Variants in CFAP74 observed in about 807,000 individuals in gnomAD.
The protein encoded by CFAP74 is cilia and flagella associated protein 74, also known as cilia- and flagella-associated protein 74.
CFAP74 carries 124 observed loss-of-function variants against 188.9 expected under a neutral mutation model. That is an observed-to-expected ratio of 0.66 (90% CI 0.57 to 0.76). The LOEUF is 0.76. Among genes scored for constraint, CFAP74 ranks in the 30% least tolerant of loss-of-function variants. The probability of loss-of-function intolerance (pLI) is 0.00; values close to 1 mark genes in which losing one functional copy is unlikely to be tolerated. For missense variants in CFAP74, 2,198 were observed against 2,165.2 expected (o/e 1.02, Z -0.30); for synonymous variants, 956 against 916.7 (o/e 1.04, Z -0.77).
rs1276060987 is a variant in CFAP74, at chr1:1,932,075, AAAAAC to A, written c.3012-1744_3012-1740del. Among the ~76,000 whole-genome samples the A allele has an allele frequency of 8.5e-5, 5 of 58,894 alleles. No homozygotes were observed. In the Admixed American group the frequency reaches 1.2e-3, roughly 15 times the overall value. 38.6% of individuals were successfully genotyped at this position (58,894 alleles called of 152,430 possible). ...AGTGAGACTCTCGCCTCAAAAAAAA[AAAAAC>A]AAAAAACAAAAAACAAAAAACTTAG... On this transcript the variant is annotated intron_variant, in intron 25 of 38. Coordinates refer to ENST00000682832, the MANE Select transcript of CFAP74 (RefSeq NM_001304360.2).
At chr1:1,964,789 C>CA in intron 13 of CFAP74, 99 bp downstream of exon 13, 98 of 1,352,498 alleles carry the variant, frequency 7.2e-5, no homozygotes, top group Non-Finnish European at 7.9e-5. Flanking sequence ...GACTCCATCT[C>CA]AAAAAAAAGC....
At chr1:1,927,219 G>A (rs1253312383) in intron 28 of CFAP74, 191 bp from the exon 29 acceptor site, 1 of 657,238 alleles carries the variant, frequency 1.5e-6, no homozygotes, top group Non-Finnish European at 2.6e-6. Flanking sequence ...CTCACTTCAG[G>A]TCCTCGTCAG....
chr1:1,962,250 C>T (rs1469716975), intron 14 of CFAP74, among the ~76,000 whole-genome samples: 3 of 151,818 alleles, frequency 2.0e-5, no homozygotes, highest in Non-Finnish European at 4.4e-5. Flanking sequence ...AGGTGGGCCT[C>T]GGATCACCTG....
intron 23 of CFAP74, 129 bp from the exon 24 acceptor site, chr1:1,939,896 C>A: frequency 1.1e-6 from 1 of 918,406 alleles, no homozygotes. Context: ...CACGACGAGG[C>A]CGTCTCTTCA....
chr1:1,944,313 G>A lies in CFAP74; in HGVS notation c.2486+18C>T, dbSNP rs1406220330. On this transcript the variant is annotated intron_variant, in intron 21 of 38. Coordinates refer to ENST00000682832, the MANE Select transcript of CFAP74 (RefSeq NM_001304360.2). ...TGTGCGTGGGTCACCCCGTGTGCAT[G>A]GACAGGAGGGGGCTCACCGCGTGTG... is the stretch of plus-strand genomic sequence containing the variant. The A allele has an allele frequency of 6.5e-7, 1 of 1,533,692 alleles. No homozygotes were observed. The highest frequency in any genetic ancestry group is 2.0e-5 in the Admixed American group (1 of 50,976).
intron 9 of CFAP74, among the ~76,000 whole-genome samples, chr1:1,971,340 C>T (rs1383842160): frequency 6.6e-6 from 1 of 151,368 alleles, no homozygotes; most frequent in Non-Finnish European, 1.5e-5. Context: ...CCTGCACACA[C>T]GTGCACACAC....
intron 4 of CFAP74, among the ~76,000 whole-genome samples, chr1:1,987,326 A>G (rs74046276): frequency 0.027 from 4,119 of 151,938 alleles, 208 homozygotes; most frequent in African/African-American, 0.094. Context: ...AAACAAGCGC[A>G]CTCCTGCGTG....
In CFAP74 at chr1:1,975,948, C is replaced by T. The variant is rs558763922; in HGVS notation, c.501-1750G>A. On this transcript the variant is annotated intron_variant, in intron 6 of 38. Coordinates refer to ENST00000682832, the MANE Select transcript of CFAP74 (RefSeq NM_001304360.2). This position sits in a 1 kb window ranked among gnomAD's most constrained non-coding sequence, Gnocchi z 4.5. ...GCTGCTGTAGGAAAACACCCACGAC[C>T]GGGTCTTCGCAAACAACAGAATTTC... Among the ~76,000 whole-genome samples, 13 of 152,276 alleles carry T rather than the reference C, an allele frequency of 8.5e-5. No individual in the cohort carries two copies. The highest frequency in any genetic ancestry group is 2.1e-4 in the South Asian group (1 of 4,828).
intron 9 of CFAP74, among the ~76,000 whole-genome samples, chr1:1,971,323 T>C (rs375126552): frequency 9.3e-6 from 1 of 107,168 alleles, no homozygotes; most frequent in Non-Finnish European, 1.9e-5. Context: ...CTGCAGACAC[T>C]TGCACACCTG....
At chr1:1,933,563 C>T (rs917693922) in intron 25 of CFAP74, among the ~76,000 whole-genome samples, 1 of 152,174 alleles carries the variant, frequency 6.6e-6, no homozygotes, top group Non-Finnish European at 1.5e-5. Flanking sequence ...TTGTCAGGTT[C>T]CCTGGTGTAA....
In CFAP74 at chr1:1,922,317, G is replaced by T. The variant is rs750041329; in HGVS notation, c.4890C>A (p.Ile1630=). ...RGDVKETYKV[I]FVAQVLTGP ...GGCCAGTCAACACCTGGGCTACAAA[G>T]ATGACCTTGTAGGTCTCCTTCACAT... Residue 1630 remains isoleucine, a synonymous_variant, in exon 39 of 39, where the codon ATC becomes ATA. Transcript: ENST00000682832. 6.2e-7 allele frequency: 1 copy of T among 1,607,176 alleles called. No homozygotes were observed. Among genetic ancestry groups the T allele is most frequent in the Admixed American group, 1.7e-5 (1 of 58,040 alleles).
intron 2 of CFAP74, 72 bp from the exon 3 acceptor site, chr1:1,989,045 A>T: frequency 1.2e-6 from 1 of 805,776 alleles, no homozygotes. Context: ...TTTTAGGATA[A>T]ATCTTTTTCT....
chr1:1,975,021 G>T lies in CFAP74; in HGVS notation c.501-823C>A, dbSNP rs537345392. ...TGCGGCTCAGGCCGGGGCTGGCCAC[G>T]CGAGGATCAGAACCCTGGACAAGGT... On this transcript the variant is annotated intron_variant, in intron 6 of 38. Coordinates refer to ENST00000682832, the MANE Select transcript of CFAP74 (RefSeq NM_001304360.2). The surrounding 1 kb of genome is among the most constrained non-coding windows in gnomAD (Gnocchi z 4.5). Among the ~76,000 whole-genome samples the T allele has an allele frequency of 2.0e-5, 3 of 152,346 alleles. No individual in the cohort carries two copies. The highest frequency in any genetic ancestry group is 7.2e-5 in the African/African-American group (3 of 41,574).
In CFAP74 at chr1:1,956,634, A is replaced by T; in HGVS notation, c.2002T>A (p.Ser668Thr). 1 of 1,614,160 alleles carries T rather than the reference A, an allele frequency of 6.2e-7. No homozygotes were observed. The highest frequency in any genetic ancestry group is 8.5e-7 in the Non-Finnish European group (1 of 1,180,030). The change falls in exon 17 of 39, where the codon TCT becomes ACT. Residue 668 changes from serine (S) to threonine (T), a missense_variant. Ser to Thr is a moderately conservative substitution (Grantham distance 58, BLOSUM62 1). Transcript: ENST00000682832. ...SEPCEMDDSQ[S>T]ALKLSSLLTY... ...GGCACACTCACTAATTTCAGGGCAG[A>T]CTGGGAGTCGTCCATCTCACAGGGC... is the stretch of plus-strand genomic sequence containing the variant.
intron 6 of CFAP74, among the ~76,000 whole-genome samples, chr1:1,981,690 G>C (rs1471860656): frequency 2.2e-4 from 26 of 120,766 alleles, no homozygotes; most frequent in Non-Finnish European, 3.2e-4. Flanking sequence ...GCCGCGGACA[G>C]ACACGGGGGC....
At position 1,926,912 on chromosome 1, in the gene CFAP74, G is replaced by T; in HGVS notation, c.3644C>A (p.Ser1215Ter). The change falls in exon 29 of 39, where the codon TCA (serine) becomes TAA (stop). Residue 1215 changes from serine (S) to a stop codon, truncating the protein, a stop_gained. Coordinates refer to ENST00000682832, the MANE Select transcript of CFAP74 (RefSeq NM_001304360.2). LOFTEE classifies it high-confidence loss of function. ...CCCGCACCTGAAGCTCAGGGGTTCTGACCCCTTCCTGTCTTTGATGTCGCC... is the reference window on the plus strand; with the variant it reads ...CCCGCACCTGAAGCTCAGGGGTTCTTACCCCTTCCTGTCTTTGATGTCGCC... ...ASGDIKDRKG[S>*]EPLSFSPHNT... is the part of the protein sequence containing the mutation. 1 of 1,550,240 alleles carries T rather than the reference G, an allele frequency of 6.5e-7. No individual in the cohort carries two copies. Among genetic ancestry groups the T allele is most frequent in the Non-Finnish European group, 8.7e-7 (1 of 1,146,876 alleles).
In CFAP74 at chr1:1,944,566, C is replaced by A; in HGVS notation, c.2365-114G>T. On this transcript the variant is annotated intron_variant, in intron 20 of 38. Coordinates refer to ENST00000682832, the MANE Select transcript of CFAP74 (RefSeq NM_001304360.2). ...CGTTTCATGGGCTTGAGTTTTCTAA[C>A]TCTTTGGGACGGCTGTGGCACTTTT... 3.7e-6 allele frequency: 4 copies of A among 1,067,008 alleles called. No individual in the cohort carries two copies. In the Admixed American group the frequency reaches 7.5e-5, roughly 20 times the overall value. 66.1% of individuals were successfully genotyped at this position (1,067,008 alleles called of 1,614,324 possible). A position where few individuals can be genotyped will look rare whatever the true frequency, so the allele number is the denominator to read the frequency against.
At position 1,959,270 on chromosome 1, in the gene CFAP74, T is replaced by G. The variant is rs1654893346; in HGVS notation, c.1762-61A>C. On this transcript the variant is annotated intron_variant, in intron 15 of 38. Transcript: ENST00000682832. The stretch of plus-strand genomic sequence containing the variant: ...CTGCAACTTTTGTGTGTTTTGTTTT[T>G]TTTTTGGACAGGGTCTGGCTCTGTT... 8.1e-6 allele frequency: 10 copies of G among 1,236,498 alleles called. No individual in the cohort carries two copies. The Admixed American group carries it at 1.3e-4, about 16-fold the overall frequency. 76.6% of individuals were successfully genotyped at this position (1,236,498 alleles called of 1,614,324 possible). A position where few individuals can be genotyped will look rare whatever the true frequency, so the allele number is the denominator to read the frequency against.
At position 1,973,324 on chromosome 1, in the gene CFAP74, C is replaced by T. The variant is rs1272670453; in HGVS notation, c.675-277G>A. On this transcript the variant is annotated intron_variant, in intron 7 of 38. Transcript: ENST00000682832. The surrounding 1 kb of genome is among the most constrained non-coding windows in gnomAD (Gnocchi z 6.2). The stretch of plus-strand genomic sequence containing the variant: ...GCTGGGCAGGGGTCTGGGAAGAGGA[C>T]GGTGCAGGCACAGCAGTGCTGTGGG... 2.6e-5 allele frequency among the ~76,000 whole-genome samples: 4 copies of T among 152,162 alleles called. No individual in the cohort carries two copies. The highest frequency in any genetic ancestry group is 2.1e-4 in the South Asian group (1 of 4,818).
Sources: allele counts gnomAD v4.1 joint callset (sites outside exome capture counted in the v4.1 genomes callset), GRCh38; gene constraint gnomAD v4.1.1; non-coding constraint Gnocchi (gnomAD v3.1); transcripts MANE v1.5; gene names NCBI Gene and HGNC (gene_info 2026-07-23, HGNC 2026-07-21).